Variants in RFX5 observed in about 807,000 individuals in gnomAD.
RFX5 encodes DNA-binding protein RFX5.
Under a neutral mutation model 41.2 loss-of-function variants are expected in RFX5, and 30 were observed. The observed-to-expected ratio is 0.73, with a 90% CI of 0.54 to 0.99. The LOEUF is 0.99. Among genes scored for constraint, RFX5 ranks in the 50% least tolerant of loss-of-function variants. The pLI, the probability that RFX5 is intolerant of heterozygous loss-of-function variation, is 0.00. For missense variants in RFX5, 715 were observed against 773.6 expected, an observed-to-expected ratio of 0.92 and a Z score of 0.90; for synonymous variants, 231 against 291.8, an observed-to-expected ratio of 0.79 and a Z score of 2.12.
chr1:151,343,871 G>A lies in RFX5; in HGVS notation c.567C>T (p.Gly189=). Residue 189 remains glycine (G), a synonymous_variant, in exon 9 of 11, where the codon GGC becomes GGT. Coordinates refer to ENST00000452671, the MANE Select transcript of RFX5 (RefSeq NM_001025603.2). ...DLKGSESPEM[G]PEVTPAPRDE... ...CTCGAGGTGCTGGGGTTACTTCTGG[G>A]CCCATTTCTGGCTGAAGTGGGGAAG... The A allele has an allele frequency of 6.2e-7, 1 of 1,613,382 alleles. No individual in the cohort carries two copies. Among genetic ancestry groups the A allele is most frequent in the Non-Finnish European group, 8.5e-7 (1 of 1,179,514 alleles).
rs1374291718 is a variant in RFX5 at position 151,342,754 on chromosome 1, T to C, written c.1283A>G (p.Lys428Arg). The change falls in exon 11 of 11, where the codon AAG becomes AGG. Residue 428 changes from lysine (K) to arginine (R), a missense_variant. Lys to Arg is a conservative substitution (Grantham distance 26). Coordinates refer to ENST00000452671, the MANE Select transcript of RFX5 (RefSeq NM_001025603.2). ...TACTTCAGCTGTCCTCTTGACACCC[T>C]TGTCATGTGGTCCTTGGTCACCACC... ...GIGGDQGPHD[K>R]GVKRTAEVPV... is the part of the protein sequence containing the mutation. The C allele has an allele frequency of 3.7e-6, 6 of 1,614,176 alleles. No individual in the cohort carries two copies. The African/African-American group carries it at 5.3e-5, about 14-fold the overall frequency.
In RFX5 at chr1:151,341,217, A is replaced by G. The variant is rs1650420118; in HGVS notation, c.*969T>C. ...TGGAGGTAGAAAAAAAGGGACTATC[A>G]TCTAAATGAGACTGAAGAGTCCCTA... is the stretch of plus-strand genomic sequence containing the variant. On this transcript the variant is annotated 3_prime_UTR_variant, in exon 11 of 11. Coordinates refer to ENST00000452671, the MANE Select transcript of RFX5 (RefSeq NM_001025603.2). 1 of 152,204 alleles carries G rather than the reference A, an allele frequency of 6.6e-6. No individual in the cohort carries two copies. The highest frequency in any genetic ancestry group is 2.4e-5 in the African/African-American group (1 of 41,464). 9.4% of individuals were successfully genotyped at this position (152,204 alleles called of 1,614,324 possible).
Position 151,343,177 on chromosome 1 carries a change from G to A in RFX5, c.860C>T (p.Pro287Leu), listed in dbSNP as rs771016197. ...AGTTCGGGCTTCCAGATCCTTAGGA[G>A]GCTAAAAAGTAAAGAGAGGAACACA... Reference protein sequence around the residue: ...AHKKPERLAQPPKDLEARTGA... With the variant: ...AHKKPERLAQLPKDLEARTGA... Residue 287 changes from proline (P) to leucine (L), a missense_variant and splice_region_variant, in exon 11 of 11, where the codon CCT becomes CTT. Pro to Leu is a moderately conservative substitution (Grantham distance 98, BLOSUM62 -3). Coordinates refer to ENST00000452671, the MANE Select transcript of RFX5 (RefSeq NM_001025603.2). 5.6e-6 allele frequency: 9 copies of A among 1,611,084 alleles called. No individual in the cohort carries two copies. The African/African-American group carries it at 1.2e-4, about 22-fold the overall frequency.
rs757512025 is a variant in RFX5, at chr1:151,342,838, C to T, written c.1199G>A (p.Arg400Gln). The T allele has an allele frequency of 3.1e-6, 5 of 1,613,984 alleles. No homozygotes were observed. The highest frequency in any genetic ancestry group is 4.2e-6 in the Non-Finnish European group (5 of 1,179,980). ...ALPGPGPGPG[R>Q]APPGGLTQPR... Reference sequence around the variant, plus strand: ...CTGAGTGAGTCCCCCAGGTGGAGCTCGCCCAGGCCCAGGTCCAGGTCCAGG... The same window carrying T: ...CTGAGTGAGTCCCCCAGGTGGAGCTTGCCCAGGCCCAGGTCCAGGTCCAGG... The change falls in exon 11 of 11, where the codon CGA becomes CAA. Residue 400 changes from arginine to glutamine, a missense_variant. Physicochemically the swap from Arg to Gln is conservative, Grantham distance 43 (BLOSUM62 1). Transcript: ENST00000452671.
intron 10 of RFX5, 76 bp downstream of exon 10, chr1:151,343,266 C>A (rs1272898602): frequency 1.2e-6 from 2 of 1,608,398 alleles, no homozygotes; most frequent in Admixed American, 1.7e-5. Context: ...GGTGGAAAAG[C>A]AAGGGACCCA....
rs1489124591 is a variant in RFX5 at position 151,342,171 on chromosome 1, C to T, written c.*15G>A. On this transcript the variant is annotated 3_prime_UTR_variant, in exon 11 of 11. Transcript: ENST00000452671. ...TTAACGTAGGGATATAAACACTCTTCCCCACAGACCTGTATCATGGGGGTG... is the reference window on the plus strand; with the variant it reads ...TTAACGTAGGGATATAAACACTCTTTCCCACAGACCTGTATCATGGGGGTG... The T allele has an allele frequency of 6.2e-7, 1 of 1,614,148 alleles. No individual in the cohort carries two copies. The highest frequency in any genetic ancestry group is 8.5e-7 in the Non-Finnish European group (1 of 1,180,012).
Position 151,341,955 on chromosome 1 carries a change from A to G in RFX5, c.*231T>C, listed in dbSNP as rs1650475683. The G allele has an allele frequency of 4.2e-6, 3 of 708,032 alleles. No homozygotes were observed. The highest frequency in any genetic ancestry group is 7.9e-6 in the Non-Finnish European group (3 of 380,936). 43.9% of individuals were successfully genotyped at this position (708,032 alleles called of 1,614,324 possible). Reference sequence around the variant, plus strand: ...CTTCCCACAGGATAGCACAGGGAATACAGGTAAGGTCACTACAGATTTATT... The same window carrying G: ...CTTCCCACAGGATAGCACAGGGAATGCAGGTAAGGTCACTACAGATTTATT... On this transcript the variant is annotated 3_prime_UTR_variant, in exon 11 of 11. Transcript: ENST00000452671.
Position 151,342,369 on chromosome 1 carries a change from A to G in RFX5, c.1668T>C (p.Asp556=), listed in dbSNP as rs779477325. 1 of 1,614,032 alleles carries G rather than the reference A, an allele frequency of 6.2e-7. No homozygotes were observed. The highest frequency in any genetic ancestry group is 8.5e-7 in the Non-Finnish European group (1 of 1,179,988). Reference sequence around the variant, plus strand: ...CTTTTGAGGGGACCAAGGGAATTTTATCTTCTGCTTCTTTGGTATGCTGGG... The same window carrying G: ...CTTTTGAGGGGACCAAGGGAATTTTGTCTTCTGCTTCTTTGGTATGCTGGG... ...PGSQHTKEAE[D]KIPLVPSKVS... is the part of the protein sequence containing the mutation. Residue 556 remains aspartate, a synonymous_variant, in exon 11 of 11, where the codon GAT becomes GAC. Coordinates refer to ENST00000452671, the MANE Select transcript of RFX5 (RefSeq NM_001025603.2).
Position 151,342,837 on chromosome 1 carries a change from T to C in RFX5, c.1200A>G (p.Arg400=). The change falls in exon 11 of 11, where the codon CGA becomes CGG. Residue 400 remains arginine (R), a synonymous_variant. Transcript: ENST00000452671. ...GCTGAGTGAGTCCCCCAGGTGGAGC[T>C]CGCCCAGGCCCAGGTCCAGGTCCAG... ...ALPGPGPGPG[R]APPGGLTQPR... 6.2e-7 allele frequency: 1 copy of C among 1,614,058 alleles called. No individual in the cohort carries two copies. The highest frequency in any genetic ancestry group is 1.7e-5 in the Admixed American group (1 of 60,006).
intron 3 of RFX5, 51 bp downstream of exon 3, chr1:151,346,154 G>A (rs753930951): frequency 1.3e-6 from 2 of 1,573,876 alleles, no homozygotes; most frequent in Middle Eastern, 1.7e-4. Flanking sequence ...AGTGCTGCAG[G>A]GATCTATACT....
chr1:151,347,221 C>G lies in RFX5; in HGVS notation c.-142G>C, dbSNP rs1425316861. 6.6e-6 allele frequency: 1 copy of G among 152,482 alleles called. No individual in the cohort carries two copies. Among genetic ancestry groups the G allele is most frequent in the Non-Finnish European group, 1.5e-5 (1 of 68,222 alleles). 9.4% of individuals were successfully genotyped at this position (152,482 alleles called of 1,614,324 possible). Reference sequence around the variant, plus strand: ...AGAAAGAGAAACTACCTCGTAGCCACCTTCACTCCAGCCCAGCCCCAAGGT... The same window carrying G: ...AGAAAGAGAAACTACCTCGTAGCCAGCTTCACTCCAGCCCAGCCCCAAGGT... On this transcript the variant is annotated 5_prime_UTR_variant, in exon 1 of 11. Coordinates refer to ENST00000452671, the MANE Select transcript of RFX5 (RefSeq NM_001025603.2).
rs2233857 is a variant in RFX5, at chr1:151,341,942, T to C, written c.*244A>G. ...AGCCCATTCCTACCTTCCCACAGGA[T>C]AGCACAGGGAATACAGGTAAGGTCA... On this transcript the variant is annotated 3_prime_UTR_variant, in exon 11 of 11. Transcript: ENST00000452671. 0.033 allele frequency: 23,270 copies of C among 696,516 alleles called. 537 individuals carry two copies. The highest frequency in any genetic ancestry group is 0.048 in the Non-Finnish European group (18,105 of 373,336). 43.1% of individuals were successfully genotyped at this position (696,516 alleles called of 1,614,324 possible).
Position 151,344,817 on chromosome 1 carries a change from C to T in RFX5, c.264G>A (p.Glu88=), listed in dbSNP as rs758732188. 6.2e-7 allele frequency: 1 copy of T among 1,603,568 alleles called. No homozygotes were observed. Among genetic ancestry groups the T allele is most frequent in the Admixed American group, 1.7e-5 (1 of 59,570 alleles). ...SSEPSTLSNE[E]YMYAYRWIRN... ...GGATCCACCTATAGGCATACATGTACTCCTCATTGCTCAGTGTACTTGGCT... is the reference window on the plus strand; with the variant it reads ...GGATCCACCTATAGGCATACATGTATTCCTCATTGCTCAGTGTACTTGGCT... The change falls in exon 6 of 11, where the codon GAG becomes GAA. Residue 88 remains glutamate, a synonymous_variant. Coordinates refer to ENST00000452671, the MANE Select transcript of RFX5 (RefSeq NM_001025603.2).
Position 151,342,257 on chromosome 1 carries a change from CTTTA to C in RFX5, c.1776_1779del (p.Asn592LysfsTer3). ...CTTTGAAGCACATGCTCCTTTAAGT[CTTTA>C]TTACCCTGTGGTGCAGTGTCTACCT... On this transcript the variant is annotated frameshift_variant, in exon 11 of 11. Coordinates refer to ENST00000452671, the MANE Select transcript of RFX5 (RefSeq NM_001025603.2). LOFTEE classifies it high-confidence loss of function. 2 of 1,614,150 alleles carry C rather than the reference CTTTA, an allele frequency of 1.2e-6. No individual in the cohort carries two copies. Among genetic ancestry groups the C allele is most frequent in the Non-Finnish European group, 1.7e-6 (2 of 1,180,042 alleles).
chr1:151,346,101 C>T (rs999708780), intron 3 of RFX5, 104 bp downstream of exon 3: 65 of 1,551,326 alleles, frequency 4.2e-5, no homozygotes, highest in Non-Finnish European at 5.5e-5. Flanking sequence ...TCCCTCTGCT[C>T]CCATGCCCTT....
rs764249624 is a variant in RFX5 at position 151,342,834 on chromosome 1, A to G, written c.1203T>C (p.Ala401=). 1.2e-6 allele frequency: 2 copies of G among 1,614,016 alleles called. No homozygotes were observed. The highest frequency in any genetic ancestry group is 1.7e-6 in the Non-Finnish European group (2 of 1,179,958). Residue 401 remains alanine, a synonymous_variant, in exon 11 of 11, where the codon GCT becomes GCC. Transcript: ENST00000452671. ...GGGGCTGAGTGAGTCCCCCAGGTGG[A>G]GCTCGCCCAGGCCCAGGTCCAGGTC... ...LPGPGPGPGR[A]PPGGLTQPRG...
At chr1:151,343,468 G>C (rs1438581139) in intron 9 of RFX5, 26 bp from the exon 10 acceptor site, 2 of 1,604,198 alleles carry the variant, frequency 1.2e-6, no homozygotes, top group Non-Finnish European at 8.5e-7. Context: ...AAAGGTAATA[G>C]AGTGAAGGTG....
chr1:151,344,887 C>T (rs1294300803), intron 5 of RFX5, 40 bp from the exon 6 acceptor site: 3 of 1,614,146 alleles, frequency 1.9e-6, no homozygotes, highest in East Asian at 2.2e-5. Flanking sequence ...AAGACCCTAA[C>T]AGTTGTCCTG....
At chr1:151,345,864 A>C (rs1650995080) in intron 4 of RFX5, 64 bp downstream of exon 4, 1 of 1,607,514 alleles carries the variant, frequency 6.2e-7, no homozygotes, top group Admixed American at 1.7e-5. Context: ...GATGCCCATC[A>C]TCCTCACATC....
Sources: gnomAD v4.1 joint callset for allele counts on GRCh38, gnomAD v4.1.1 for gene constraint, MANE v1.5 for transcripts, NCBI Gene and HGNC (gene_info 2026-07-23, HGNC 2026-07-21) for gene names.